RBFOX1: variants seen among roughly 807,000 people sequenced by gnomAD.
RBFOX1 encodes the protein RNA binding fox-1 homolog 1.
Under a neutral mutation model 57.7 loss-of-function variants are expected in RBFOX1, and 8 were observed. The ratio of observed to expected loss-of-function variants is 0.14; its 90% CI spans 0.08 to 0.25. RBFOX1 has a LOEUF of 0.25. Among genes scored for constraint, RBFOX1 ranks in the 10% least tolerant of loss-of-function variants. The pLI, the probability that RBFOX1 is intolerant of heterozygous loss-of-function variation, is 1.00. For missense variants in RBFOX1, 611 were observed against 548.5 expected, an observed-to-expected ratio of 1.11 and a Z score of -1.14; for synonymous variants, 326 against 222.4, an observed-to-expected ratio of 1.47 and a Z score of -4.15.
chr16:5,926,567 A>G (rs889135553), intron 4 of RBFOX1, among the ~76,000 whole-genome samples: 3 of 152,116 alleles, frequency 2.0e-5, no homozygotes, highest in Non-Finnish European at 4.4e-5. Flanking sequence ...ATTCTACTAC[A>G]CCTCAGACTC....
rs1036048958 is a variant in RBFOX1, at chr16:6,527,344, G to A, written c.-63-127259G>A. Among the ~76,000 whole-genome samples the A allele has an allele frequency of 7.9e-5, 12 of 152,126 alleles. No homozygotes were observed. In the East Asian group the frequency reaches 9.7e-4, roughly 12 times the overall value. On this transcript the variant is annotated intron_variant, in intron 2 of 15. Coordinates refer to ENST00000550418, the MANE Select transcript of RBFOX1 (RefSeq NM_018723.4). ...GGGGTGTGTATGTGTGTGTATGTGT[G>A]TGTATCCTCTCCTTCCTTCCTCCCC...
chr16:5,701,456 C>G (rs1204732533), intron 3 of RBFOX1, among the ~76,000 whole-genome samples: 1 of 145,998 alleles, frequency 6.8e-6, no homozygotes, highest in South Asian at 2.3e-4. Flanking sequence ...CCACCTTCCT[C>G]CATGTACAAA....
At chr16:7,309,463 C>A (rs1603617913) in intron 4 of RBFOX1, among the ~76,000 whole-genome samples, 1 of 152,206 alleles carries the variant, frequency 6.6e-6, no homozygotes, top group Non-Finnish European at 1.5e-5. Flanking sequence ...GCTCTGCCTG[C>A]CATTTTGAGG....
At chr16:6,143,176 G>A (rs1051478026) in intron 1 of RBFOX1, among the ~76,000 whole-genome samples, 1 of 152,184 alleles carries the variant, frequency 6.6e-6, no homozygotes, top group Admixed American at 6.5e-5. Context: ...GTTTACAAAT[G>A]CTCTTCAGGA....
chr16:5,979,251 T>C (rs1372374650), intron 4 of RBFOX1, among the ~76,000 whole-genome samples: 1 of 152,200 alleles, frequency 6.6e-6, no homozygotes, highest in East Asian at 1.9e-4. Context: ...GAGGATTTTT[T>C]CTTGATCTGA....
At chr16:7,051,491 A>AGGG (rs2050062747) in intron 3 of RBFOX1, among the ~76,000 whole-genome samples, 1 of 152,062 alleles carries the variant, frequency 6.6e-6, no homozygotes, top group South Asian at 2.1e-4. Flanking sequence ...ACCTATCAGG[A>AGGG]TCTCTTTCTG....
intron 3 of RBFOX1, among the ~76,000 whole-genome samples, chr16:5,846,435 G>A (rs747523907): frequency 3.3e-5 from 5 of 152,132 alleles, no homozygotes; most frequent in African/African-American, 1.2e-4. Context: ...GTGTCTCTGT[G>A]TGATTATTCG....
chr16:5,889,924 G>T (rs1222588410), intron 4 of RBFOX1, among the ~76,000 whole-genome samples: 1 of 152,226 alleles, frequency 6.6e-6, no homozygotes, highest in Non-Finnish European at 1.5e-5. Flanking sequence ...TCTGGCAGAG[G>T]ACGAAGACTG....
intron 3 of RBFOX1, among the ~76,000 whole-genome samples, chr16:5,744,907 G>A (rs111655363): frequency 5.3e-5 from 8 of 151,990 alleles, no homozygotes; most frequent in African/African-American, 1.4e-4. Flanking sequence ...AAAGTAGCGG[G>A]GATTACAGGC....
At chr16:6,796,907 C>T (rs978436565) in intron 3 of RBFOX1, among the ~76,000 whole-genome samples, 2 of 152,244 alleles carry the variant, frequency 1.3e-5, no homozygotes, top group African/African-American at 2.4e-5. Flanking sequence ...TATGTCTCCA[C>T]CCCCTTTCTT....
chr16:6,932,354 G>C (rs1407156269), intron 3 of RBFOX1, among the ~76,000 whole-genome samples: 1 of 152,114 alleles, frequency 6.6e-6, no homozygotes, highest in East Asian at 1.9e-4. Context: ...TGATCCACCT[G>C]CCTCAGGCTC....
intron 10 of RBFOX1, among the ~76,000 whole-genome samples, chr16:7,629,736 T>C (rs983328562): frequency 1.3e-4 from 20 of 152,330 alleles, no homozygotes; most frequent in African/African-American, 4.8e-4. Context: ...CCACCATTAT[T>C]TGCCGCTGTA....
intron 4 of RBFOX1, among the ~76,000 whole-genome samples, chr16:7,289,651 A>C (rs1259960987): frequency 6.6e-6 from 1 of 152,156 alleles, no homozygotes; most frequent in Non-Finnish European, 1.5e-5. Flanking sequence ...CATCATCAGC[A>C]TCACCACCCC....
intron 2 of RBFOX1, among the ~76,000 whole-genome samples, chr16:6,372,058 T>A (rs188608931): frequency 6.6e-6 from 1 of 152,292 alleles, no homozygotes; most frequent in Admixed American, 6.5e-5. Flanking sequence ...GAAAGGATGG[T>A]TGGTTAGGAT....
intron 3 of RBFOX1, among the ~76,000 whole-genome samples, chr16:6,664,405 A>G (rs1410659749): frequency 1.3e-5 from 2 of 152,192 alleles, no homozygotes; most frequent in Non-Finnish European, 2.9e-5. Flanking sequence ...TCTCTGGTCA[A>G]AGAAATGTGC....
At chr16:5,256,830 A>T (rs924348496) in intron 1 of RBFOX1, among the ~76,000 whole-genome samples, 2 of 152,012 alleles carry the variant, frequency 1.3e-5, no homozygotes, top group African/African-American at 4.8e-5. Context: ...ACTACTCGGG[A>T]GGCTGAGGCA....
rs9932267 is a variant in RBFOX1, at chr16:6,867,271, G to T, written c.-15-184786G>T. 6.8e-3 allele frequency among the ~76,000 whole-genome samples: 1,041 copies of T among 152,036 alleles called. 11 individuals are homozygous for T. The highest frequency in any genetic ancestry group is 0.024 in the African/African-American group (982 of 41,462). Reference sequence around the variant, plus strand: ...CTTCCTTTTTTTTCCTTTCTGATGAGCATGGATGGAGGAGAGATCCATCCA... The same window carrying T: ...CTTCCTTTTTTTTCCTTTCTGATGATCATGGATGGAGGAGAGATCCATCCA... On this transcript the variant is annotated intron_variant, in intron 3 of 15. Transcript: ENST00000550418.
At chr16:6,243,719 C>T (rs939828143) in intron 1 of RBFOX1, among the ~76,000 whole-genome samples, 3 of 152,204 alleles carry the variant, frequency 2.0e-5, no homozygotes, top group African/African-American at 4.8e-5. Flanking sequence ...TTCAGCCAGG[C>T]TGGTGCCACT....
At chr16:7,184,508 C>A (rs1271280022) in intron 4 of RBFOX1, among the ~76,000 whole-genome samples, 3 of 152,216 alleles carry the variant, frequency 2.0e-5, no homozygotes, top group Admixed American at 6.5e-5. Flanking sequence ...ATTTGCAGCC[C>A]TGTCTCATGG....
Sources: gnomAD v4.1 joint callset for allele counts (sites outside exome capture counted in the v4.1 genomes callset) on GRCh38, gnomAD v4.1.1 for gene constraint, MANE v1.5 for transcripts, NCBI Gene and HGNC (gene_info 2026-07-23, HGNC 2026-07-21) for gene names.